CLIP2: variants seen among roughly 807,000 people sequenced by gnomAD.
The protein encoded by CLIP2 is CAP-Gly domain containing linker protein 2, also known as CAP-Gly domain-containing linker protein 2.
CLIP2 carries 41 observed loss-of-function variants against 111.7 expected under a neutral mutation model. The ratio of observed to expected loss-of-function variants is 0.37; its 90% CI spans 0.29 to 0.48. CLIP2 has a LOEUF of 0.48. Among genes scored for constraint, CLIP2 ranks in the 20% least tolerant of loss-of-function variants. CLIP2 has a pLI of 0.99. For synonymous variants in CLIP2, 660 were observed against 644.2 expected, an observed-to-expected ratio of 1.02 and a Z score of -0.37; for missense variants, 1,160 against 1,422.1, an observed-to-expected ratio of 0.82 and a Z score of 2.96.
In CLIP2 at chr7:74,317,585, G is replaced by A. The variant is rs1788820383; in HGVS notation, c.39G>A (p.Gly13=). ...GCGGCCTGAAGCCCCCCGGCCGTGG[G>A]GGGAAGCACTCCAGCCCCATGGGCC... The part of the protein sequence containing the change: ...KPSGLKPPGR[G]GKHSSPMGRT... Residue 13 remains glycine, a synonymous_variant, in exon 2 of 17, where the codon GGG becomes GGA. Coordinates refer to ENST00000223398, the MANE Select transcript of CLIP2 (RefSeq NM_003388.5). 3 of 1,498,902 alleles carry A rather than the reference G, an allele frequency of 2.0e-6. No individual in the cohort carries two copies. Among genetic ancestry groups the A allele is most frequent in the South Asian group, 1.3e-5 (1 of 75,648 alleles). 92.9% of individuals were successfully genotyped at this position (1,498,902 alleles called of 1,614,324 possible).
intron 1 of CLIP2, among the ~76,000 whole-genome samples, chr7:74,300,050 G>A (rs566079565): frequency 7.3e-5 from 11 of 150,588 alleles, no homozygotes; most frequent in East Asian, 3.9e-4. Context: ...GCAGTGGCAC[G>A]ATCTCAGCTC....
chr7:74,389,053 G>A (rs1554315314), intron 12 of CLIP2, 50 bp from the exon 13 acceptor site: 1 of 1,555,268 alleles, frequency 6.4e-7, no homozygotes, highest in East Asian at 2.3e-5. Context: ...TGGGACAGAA[G>A]CTCACGTGTT....
chr7:74,382,322 T>A (rs1790969309), intron 11 of CLIP2, among the ~76,000 whole-genome samples: 2 of 133,952 alleles, frequency 1.5e-5, no homozygotes, highest in African/African-American at 2.8e-5. Flanking sequence ...TTTTTTTTTT[T>A]AAGACAGAGT....
chr7:74,342,983 C>G (rs1384357234), intron 3 of CLIP2, among the ~76,000 whole-genome samples: 5 of 148,750 alleles, frequency 3.4e-5, no homozygotes, highest in Non-Finnish European at 7.4e-5. Context: ...TGCAGTGAGC[C>G]AAGATGGTGC....
intron 10 of CLIP2, 61 bp from the exon 11 acceptor site, chr7:74,380,745 G>A (rs1327497202): frequency 6.9e-7 from 1 of 1,439,700 alleles, no homozygotes; most frequent in East Asian, 2.3e-5. Context: ...TTGCTGGGCT[G>A]GCTGGGGCTG....
At chr7:74,377,916 C>G (rs1463674534) in intron 10 of CLIP2, among the ~76,000 whole-genome samples, 1 of 151,348 alleles carries the variant, frequency 6.6e-6, no homozygotes, top group African/African-American at 2.4e-5. Flanking sequence ...ACCTCCGCCT[C>G]CCAGGTTCAA....
intron 1 of CLIP2, among the ~76,000 whole-genome samples, chr7:74,291,430 CT>C (rs1554725362): frequency 1.3e-5 from 2 of 152,220 alleles, no homozygotes; most frequent in African/African-American, 4.8e-5. Flanking sequence ...AGTTCAGATG[CT>C]GGAGCTTAAC....
chr7:74,395,304 C>A (rs1237319485), intron 13 of CLIP2, among the ~76,000 whole-genome samples: 13 of 152,110 alleles, frequency 8.5e-5, no homozygotes, highest in African/African-American at 3.1e-4. Flanking sequence ...GGATTACAGG[C>A]ATGCACTACC....
intron 1 of CLIP2, among the ~76,000 whole-genome samples, chr7:74,313,318 G>A (rs1458674284): frequency 1.3e-5 from 2 of 151,946 alleles, no homozygotes; most frequent in Admixed American, 6.6e-5. Context: ...CCAGCACTTT[G>A]GGAGGCCGAG....
chr7:74,383,454 T>C (rs1484079558), intron 11 of CLIP2, among the ~76,000 whole-genome samples: 1 of 152,234 alleles, frequency 6.6e-6, no homozygotes. Context: ...GTCTATGTTG[T>C]AATTTCTGGC....
At chr7:74,341,732 C>T (rs1197535033) in intron 3 of CLIP2, among the ~76,000 whole-genome samples, 1 of 152,072 alleles carries the variant, frequency 6.6e-6, no homozygotes, top group Non-Finnish European at 1.5e-5. Flanking sequence ...GCTGGGACTA[C>T]AGGCCCATGC....
At chr7:74,308,693 CAG>C (rs200843692) in intron 1 of CLIP2, among the ~76,000 whole-genome samples, 2,349 of 151,996 alleles carry the variant, frequency 0.015, 28 homozygotes, top group Non-Finnish European at 0.023. Flanking sequence ...TTAGTAGAGA[CAG>C]GGTTTCACCA....
rs1225791679 is a variant in CLIP2, at chr7:74,404,697, C to G, written c.*849C>G. ...GGCTCTAGGCAGGTTTGACAAAGGTCAGTAATACGGTTTCCCCTGGGGTTG... is the reference window on the plus strand; with the variant it reads ...GGCTCTAGGCAGGTTTGACAAAGGTGAGTAATACGGTTTCCCCTGGGGTTG... On this transcript the variant is annotated 3_prime_UTR_variant, in exon 17 of 17. Transcript: ENST00000223398. The G allele has an allele frequency of 6.6e-6, 1 of 152,548 alleles. No individual in the cohort carries two copies. The highest frequency in any genetic ancestry group is 1.5e-5 in the Non-Finnish European group (1 of 68,066). 9.4% of individuals were successfully genotyped at this position (152,548 alleles called of 1,614,324 possible). A position where few individuals can be genotyped will look rare whatever the true frequency, so the allele number is the denominator to read the frequency against.
intron 13 of CLIP2, among the ~76,000 whole-genome samples, chr7:74,392,894 A>T (rs1178908140): frequency 6.6e-6 from 1 of 152,238 alleles, no homozygotes; most frequent in African/African-American, 2.4e-5. Flanking sequence ...ACAGACTTCC[A>T]GCATGGCGAT....
At chr7:74,372,826 CT>C in intron 8 of CLIP2, 105 bp from the exon 9 acceptor site, 1 of 588,552 alleles carries the variant, frequency 1.7e-6, no homozygotes, top group Non-Finnish European at 2.9e-6. Flanking sequence ...GACGCCTCCT[CT>C]CTCTCTCTCT....
intron 1 of CLIP2, among the ~76,000 whole-genome samples, chr7:74,290,101 G>T (rs1408596912): frequency 1.3e-5 from 2 of 152,244 alleles, no homozygotes; most frequent in African/African-American, 4.8e-5. Context: ...CAAGGGCAGA[G>T]CAAGACGGCT....
intron 13 of CLIP2, 116 bp downstream of exon 13, chr7:74,389,375 G>A (rs888537619): frequency 7.2e-6 from 8 of 1,118,300 alleles, no homozygotes; most frequent in South Asian, 1.7e-5. Context: ...GGTGGGCCAG[G>A]TGGCCGATCT....
At chr7:74,301,451 C>T (rs1269238071) in intron 1 of CLIP2, among the ~76,000 whole-genome samples, 2 of 152,122 alleles carry the variant, frequency 1.3e-5, no homozygotes, top group African/African-American at 2.4e-5. Context: ...AGCGTGATCT[C>T]GGCTCACTGC....
chr7:74,386,123 C>T (rs1791091056), intron 11 of CLIP2, among the ~76,000 whole-genome samples: 1 of 150,174 alleles, frequency 6.7e-6, no homozygotes, highest in Non-Finnish European at 1.5e-5. Context: ...TCTTGGCTTA[C>T]TGCTGCCTCT....
Sources: allele counts gnomAD v4.1 joint callset (sites outside exome capture counted in the v4.1 genomes callset), GRCh38; gene constraint gnomAD v4.1.1; transcripts MANE v1.5; gene names NCBI Gene and HGNC (gene_info 2026-07-23, HGNC 2026-07-21).